Variants in PLK5 observed in about 807,000 individuals in gnomAD.
The protein encoded by PLK5 is inactive serine/threonine-protein kinase PLK5.
Under a neutral mutation model 33.7 loss-of-function variants are expected in PLK5, and 28 were observed. That is an observed-to-expected ratio of 0.83 (90% CI 0.62 to 1.14). The LOEUF (loss-of-function observed/expected upper bound fraction) is 1.14. Among genes scored for constraint, PLK5 ranks in the 50% most tolerant of loss-of-function variants. The pLI, the probability that PLK5 is intolerant of heterozygous loss-of-function variation, is 0.00. For missense variants in PLK5, 492 were observed against 461.5 expected (o/e 1.07, Z -0.61); for synonymous variants, 225 against 202.2 (o/e 1.11, Z -0.96).
chr19:1,526,643 C>T (rs530747284), intron 4 of PLK5, 28 bp downstream of exon 4: 9 of 375,360 alleles, frequency 2.4e-5, no homozygotes, highest in East Asian at 1.3e-4. Context: ...GAACTGTGGG[C>T]GGGGGCGTCG....
chr19:1,535,042 G>A, intron 13 of PLK5, 23 bp from the exon 14 acceptor site: 1 of 1,504,544 alleles, frequency 6.6e-7, no homozygotes, highest in Non-Finnish European at 8.8e-7. Flanking sequence ...GTCTCCCCTT[G>A]ACTGGTATCT....
At chr19:1,528,801 G>C in intron 8 of PLK5, 97 bp from the exon 9 acceptor site, 1 of 1,006,656 alleles carries the variant, frequency 9.9e-7, no homozygotes, top group Non-Finnish European at 1.4e-6. Context: ...GCTCCGCTCT[G>C]TCTCCACATC....
rs921502206 is a variant in PLK5, at chr19:1,526,716, T to G, written c.-170T>G. 3.9e-6 allele frequency: 2 copies of G among 514,636 alleles called. No individual in the cohort carries two copies. Among genetic ancestry groups the G allele is most frequent in the African/African-American group, 3.9e-5 (2 of 51,072 alleles). The allele number at this position is 514,636 out of a possible 1,614,324, so 31.9% of individuals were successfully genotyped here. On this transcript the variant is annotated 5_prime_UTR_variant, in exon 5 of 14. Coordinates refer to ENST00000454744, the MANE Select transcript of PLK5 (RefSeq NM_001243079.2). ...CTCCCACTGCCAGGTAACTTCTTCC[T>G]TAACAAGAACATGGAGGTGAAGATT... is the stretch of plus-strand genomic sequence containing the variant.
Position 1,528,897 on chromosome 19 carries a change from G to A in PLK5, c.329-1G>A, listed in dbSNP as rs1913839258. 4.0e-6 allele frequency: 6 copies of A among 1,505,970 alleles called. No individual in the cohort carries two copies. Among genetic ancestry groups the A allele is most frequent in the Middle Eastern group, 3.7e-4 (2 of 5,450 alleles). 93.3% of individuals were successfully genotyped at this position (1,505,970 alleles called of 1,614,324 possible). On this transcript the variant is annotated splice_acceptor_variant, in intron 8 of 13. Transcript: ENST00000454744. LOFTEE classifies it high-confidence loss of function. ...CCTCCAAGGCCTTGTGCCTCCCTCAGGCCCCTTCACGCCTAAAGAGGCCTC... is the reference window on the plus strand; with the variant it reads ...CCTCCAAGGCCTTGTGCCTCCCTCAAGCCCCTTCACGCCTAAAGAGGCCTC...
rs193098218 is a variant in PLK5 at position 1,535,334 on chromosome 19, G to A, written c.*84G>A. ...TCCATTCCTGTGGCTCCCCCAGAGG[G>A]GCTGTCCTGGGGGAGGGCTGGGGGG... On this transcript the variant is annotated 3_prime_UTR_variant, in exon 14 of 14. Transcript: ENST00000454744. The A allele has an allele frequency of 7.0e-7, 1 of 1,421,008 alleles. No individual in the cohort carries two copies. Among genetic ancestry groups the A allele is most frequent in the Admixed American group, 2.5e-5 (1 of 39,828 alleles). The allele number at this position is 1,421,008 out of a possible 1,614,324, so 88.0% of individuals were successfully genotyped here.
At chr19:1,531,642 G>T in intron 11 of PLK5, 96 bp from the exon 12 acceptor site, 1 of 1,419,470 alleles carries the variant, frequency 7.0e-7, no homozygotes, top group Non-Finnish European at 9.3e-7. Flanking sequence ...CCGTGGGAAG[G>T]GTCTCACCCA....
chr19:1,534,714 G>A (rs1315603129), intron 13 of PLK5, among the ~76,000 whole-genome samples: 1 of 151,370 alleles, frequency 6.6e-6, no homozygotes, highest in Non-Finnish European at 1.5e-5. Context: ...CTACTGGGGA[G>A]GCTGAGGCAG....
intron 12 of PLK5, 124 bp downstream of exon 12, chr19:1,532,007 A>G: frequency 8.9e-7 from 1 of 1,124,364 alleles, no homozygotes; most frequent in Non-Finnish European, 1.2e-6. Flanking sequence ...CTGGTCGGGG[A>G]GAACAACACT....
At position 1,526,954 on chromosome 19, in the gene PLK5, C is replaced by G; in HGVS notation, c.-43C>G. ...TGGACCCTGAGGTTGTCTCCAGAAA[C>G]GGTCACTCCTGCCAGTAGGACATCT... is the stretch of plus-strand genomic sequence containing the variant. On this transcript the variant is annotated 5_prime_UTR_variant, in exon 6 of 14. Coordinates refer to ENST00000454744, the MANE Select transcript of PLK5 (RefSeq NM_001243079.2). 1 of 1,532,854 alleles carries G rather than the reference C, an allele frequency of 6.5e-7. No homozygotes were observed. The highest frequency in any genetic ancestry group is 8.7e-7 in the Non-Finnish European group (1 of 1,144,892). The allele number at this position is 1,532,854 out of a possible 1,614,324, so 95.0% of individuals were successfully genotyped here.
rs150328666 is a variant in PLK5 at position 1,531,737 on chromosome 19, G to A, written c.569-1G>A. 2,837 of 1,536,690 alleles carry A rather than the reference G, an allele frequency of 1.8e-3. 52 individuals carry two copies. The African/African-American group carries it at 0.034, about 19-fold the overall frequency. ...CTCAGCATACCTTTGTTTGTGCCCA[G>A]CCACACAGGACCCCCTGGGAGAGCA... On this transcript the variant is annotated splice_acceptor_variant, in intron 11 of 13. Coordinates refer to ENST00000454744, the MANE Select transcript of PLK5 (RefSeq NM_001243079.2). LOFTEE classifies it high-confidence loss of function.
intron 3 of PLK5, among the ~76,000 whole-genome samples, chr19:1,526,102 G>A (rs1042966103): frequency 2.0e-5 from 3 of 152,090 alleles, no homozygotes; most frequent in Admixed American, 6.6e-5. Flanking sequence ...TGTGCCCACC[G>A]TGGCCGTGAA....
chr19:1,526,682 G>A (rs907602641), intron 4 of PLK5, 22 bp from the exon 5 acceptor site: 36 of 443,756 alleles, frequency 8.1e-5, no homozygotes, highest in South Asian at 3.0e-4. Flanking sequence ...ACCCCCATGC[G>A]CAATGCCCCT....
Position 1,524,226 on chromosome 19 carries a change from C to T in PLK5, c.-564C>T, listed in dbSNP as rs1222631311. 3 of 150,582 alleles carry T rather than the reference C, an allele frequency of 2.0e-5. No individual in the cohort carries two copies. Among genetic ancestry groups the T allele is most frequent in the Non-Finnish European group, 3.0e-5 (2 of 67,430 alleles). The allele number at this position is 150,582 out of a possible 1,614,324, so 9.3% of individuals were successfully genotyped here. A position where few individuals can be genotyped will look rare whatever the true frequency, so the allele number is the denominator to read the frequency against. The stretch of plus-strand genomic sequence containing the variant: ...CCCGGGCTCGGGCCGCGTGTACAGG[C>T]GCGGGAAGCTGATCGGCAAGGTGGG... On this transcript the variant is annotated 5_prime_UTR_variant, in exon 1 of 14. Transcript: ENST00000454744. The surrounding 1 kb of genome is among the most constrained non-coding windows in gnomAD (Gnocchi z 4.5).
chr19:1,529,493 G>C lies in PLK5; in HGVS notation c.490+3G>C, dbSNP rs957957713. 5.2e-6 allele frequency: 8 copies of C among 1,535,222 alleles called. No individual in the cohort carries two copies. The African/African-American group carries it at 9.6e-5, about 18-fold the overall frequency. On this transcript the variant is annotated splice_donor_region_variant and intron_variant, in intron 10 of 13. Coordinates refer to ENST00000454744, the MANE Select transcript of PLK5 (RefSeq NM_001243079.2). ...GACCCTGCAGAGTGACCTGGCCGGT[G>C]AGCAGATCCCCGTCCCAGCCCGGGG...
At chr19:1,531,259 A>G (rs1486545143) in intron 11 of PLK5, among the ~76,000 whole-genome samples, 1 of 151,572 alleles carries the variant, frequency 6.6e-6, no homozygotes, top group African/African-American at 2.4e-5. Flanking sequence ...TAACACAAAA[A>G]TTAGCTGGGT....
intron 11 of PLK5, among the ~76,000 whole-genome samples, chr19:1,531,127 G>A (rs984470856): frequency 2.0e-5 from 3 of 151,054 alleles, no homozygotes; most frequent in African/African-American, 4.9e-5. Context: ...ACCCAGAAAC[G>A]GGGCAGGGCG....
chr19:1,532,206 G>C (rs985452132), intron 12 of PLK5, among the ~76,000 whole-genome samples: 2 of 152,118 alleles, frequency 1.3e-5, no homozygotes, highest in Non-Finnish European at 2.9e-5. Context: ...AGGAGATCGA[G>C]ATCAGCCTGG....
At position 1,529,788 on chromosome 19, in the gene PLK5, A is replaced by C; in HGVS notation, c.532A>C (p.Arg178=). Residue 178 remains arginine (R), a synonymous_variant, in exon 11 of 14, where the codon AGA becomes CGA. Coordinates refer to ENST00000454744, the MANE Select transcript of PLK5 (RefSeq NM_001243079.2). ...GCGGCCAGAGGTGGAGGCGGCCCTC[A>C]GACACCTGCAGCTGTGCCTGGATGT... ...SRRPEVEAAL[R]HLQLCLDVGP... The C allele has an allele frequency of 6.5e-7, 1 of 1,536,004 alleles. No homozygotes were observed.
At chr19:1,526,093 G>A (rs989763045) in intron 3 of PLK5, among the ~76,000 whole-genome samples, 6 of 152,110 alleles carry the variant, frequency 3.9e-5, no homozygotes, top group Non-Finnish European at 8.8e-5. Context: ...GCACCCTGCT[G>A]TGCCCACCGT....
Sources: allele counts gnomAD v4.1 joint callset (sites outside exome capture counted in the v4.1 genomes callset), GRCh38; gene constraint gnomAD v4.1.1; non-coding constraint Gnocchi (gnomAD v3.1); transcripts MANE v1.5; gene names NCBI Gene and HGNC (gene_info 2026-07-23, HGNC 2026-07-21).